The following NXPE4 variants were observed in gnomAD, a reference collection of about 807,000 sequenced individuals.
NXPE4 encodes the protein NXPE family member 4.
In NXPE4, 42 loss-of-function variants were observed where a neutral mutation model predicts 33.3. The observed-to-expected ratio is 1.26, with a 90% CI of 0.98 to 1.63. The LOEUF (loss-of-function observed/expected upper bound fraction) is 1.63, where lower values mean the gene tolerates loss of function less well. NXPE4 is among the 40% of genes most tolerant of loss of function. NXPE4 has a pLI of 0.00. For synonymous variants in NXPE4, 253 were observed against 234.9 expected, an observed-to-expected ratio of 1.08 and a Z score of -0.71; for missense variants, 709 against 647.6, an observed-to-expected ratio of 1.09 and a Z score of -1.03.
At chr11:114,660,247 A>G in the NXPE4 span, among the ~76,000 whole-genome samples, 1 of 152,060 alleles carries the variant, frequency 6.6e-6, no homozygotes, top group African/African-American at 2.4e-5. Flanking sequence ...AATACTAACA[A>G]TTCTACTGAT....
the NXPE4 span, among the ~76,000 whole-genome samples, chr11:114,627,733 TAA>T: frequency 6.6e-6 from 1 of 152,116 alleles, no homozygotes; most frequent in East Asian, 1.9e-4. Context: ...GCAAATTGGT[TAA>T]AGAGTCAAGA....
intron 2 of NXPE4, among the ~76,000 whole-genome samples, chr11:114,589,435 G>A (rs545943710): frequency 6.6e-6 from 1 of 152,012 alleles, no homozygotes; most frequent in Non-Finnish European, 1.5e-5. Context: ...AGGGGTGTGG[G>A]GTGTCTCATA....
the NXPE4 span, among the ~76,000 whole-genome samples, chr11:114,629,762 C>A: frequency 1.3e-5 from 2 of 151,028 alleles, no homozygotes; most frequent in African/African-American, 4.9e-5. Flanking sequence ...GATTGTATAT[C>A]TAGAAAACCC....
chr11:114,585,023 G>A (rs1949257735), intron 2 of NXPE4, among the ~76,000 whole-genome samples: 1 of 152,058 alleles, frequency 6.6e-6, no homozygotes, highest in Non-Finnish European at 1.5e-5. Flanking sequence ...TTGGAAAGGT[G>A]CCTTTATTGC....
At chr11:114,620,516 C>T in the NXPE4 span, among the ~76,000 whole-genome samples, 13 of 151,776 alleles carry the variant, frequency 8.6e-5, no homozygotes, top group African/African-American at 2.4e-4. Context: ...CTAGGGTAAC[C>T]ACTTTAAGGC....
At chr11:114,649,842 G>A in the NXPE4 span, among the ~76,000 whole-genome samples, 2 of 152,114 alleles carry the variant, frequency 1.3e-5, no homozygotes, top group African/African-American at 4.8e-5. Context: ...ATGTACTTGA[G>A]GGTTCTGACA....
At chr11:114,607,960 T>C in the NXPE4 span, among the ~76,000 whole-genome samples, 5 of 151,776 alleles carry the variant, frequency 3.3e-5, no homozygotes, top group Non-Finnish European at 7.4e-5. Flanking sequence ...ACCCAGTGGA[T>C]AATAAGTGTT....
At chr11:114,623,393 C>T in the NXPE4 span, among the ~76,000 whole-genome samples, 8 of 151,970 alleles carry the variant, frequency 5.3e-5, no homozygotes, top group Non-Finnish European at 7.4e-5. Flanking sequence ...ATAAGTATTG[C>T]GCAGTGGGTA....
chr11:114,578,739 A>G (rs1185807129), intron 5 of NXPE4, among the ~76,000 whole-genome samples: 1 of 152,192 alleles, frequency 6.6e-6, no homozygotes, highest in Admixed American at 6.6e-5. Flanking sequence ...ATGGTTTTGT[A>G]GGTGAGATGG....
the NXPE4 span, among the ~76,000 whole-genome samples, chr11:114,666,542 G>A: frequency 6.6e-6 from 1 of 151,940 alleles, no homozygotes; most frequent in African/African-American, 2.4e-5. Context: ...TTCAGAAATG[G>A]TAAAATGGCA....
chr11:114,631,067 CT>C, the NXPE4 span, among the ~76,000 whole-genome samples: 1 of 151,756 alleles, frequency 6.6e-6, no homozygotes, highest in East Asian at 1.9e-4. Context: ...CACTTTTACA[CT>C]GTTGGTGGGA....
At chr11:114,601,807 TTA>T in the NXPE4 span, among the ~76,000 whole-genome samples, 1 of 70,086 alleles carries the variant, frequency 1.4e-5, no homozygotes, top group Non-Finnish European at 2.3e-5. Flanking sequence ...TGATTATATA[TTA>T]TATAATTATA....
chr11:114,600,203 A>G (rs964422820), upstream of NXPE4, among the ~76,000 whole-genome samples: 2 of 152,210 alleles, frequency 1.3e-5, no homozygotes, highest in African/African-American at 2.4e-5. Flanking sequence ...TAGAGTGCAG[A>G]AAATCAATGA....
At chr11:114,661,196 A>C in the NXPE4 span, among the ~76,000 whole-genome samples, 1 of 152,210 alleles carries the variant, frequency 6.6e-6, no homozygotes, top group African/African-American at 2.4e-5. Context: ...CTATAGATTC[A>C]ATAAAATTCA....
In NXPE4 at chr11:114,582,172, A is replaced by G. The variant is rs1949161302; in HGVS notation, c.830+116T>C. On this transcript the variant is annotated intron_variant, in intron 3 of 5. Coordinates refer to ENST00000375478, the MANE Select transcript of NXPE4 (RefSeq NM_001077639.2). ...AATGAATTCACAGATCCTTTCCCCA[A>G]AGGCTCTTACTAAAGACACCCAAAA... 8.3e-6 allele frequency: 9 copies of G among 1,082,254 alleles called. No individual in the cohort carries two copies. In the Middle Eastern group the frequency reaches 9.5e-4, roughly 115 times the overall value. The allele number at this position is 1,082,254 out of a possible 1,614,324, so 67.0% of individuals were successfully genotyped here. A position where few individuals can be genotyped will look rare whatever the true frequency, so the allele number is the denominator to read the frequency against.
the NXPE4 span, among the ~76,000 whole-genome samples, chr11:114,648,462 A>C: frequency 2.1e-3 from 317 of 152,308 alleles, 1 homozygote; most frequent in Non-Finnish European, 3.5e-3. Flanking sequence ...AAATTGGATG[A>C]GGCTCACCTA....
At chr11:114,638,504 G>C in the NXPE4 span, among the ~76,000 whole-genome samples, 31 of 152,026 alleles carry the variant, frequency 2.0e-4, no homozygotes, top group Non-Finnish European at 8.8e-5. Context: ...TCCATTGCTG[G>C]TGAGGAACTG....
At chr11:114,638,539 C>A in the NXPE4 span, among the ~76,000 whole-genome samples, 3 of 152,044 alleles carry the variant, frequency 2.0e-5, no homozygotes, top group Non-Finnish European at 4.4e-5. Context: ...AGGAGAGGTG[C>A]TCTGCTTTTT....
At chr11:114,630,060 T>A in the NXPE4 span, among the ~76,000 whole-genome samples, 1 of 151,366 alleles carries the variant, frequency 6.6e-6, no homozygotes, top group Non-Finnish European at 1.5e-5. Flanking sequence ...TGCTCATGGG[T>A]AGGAAGAATC....
Sources: allele counts gnomAD v4.1 joint callset (sites outside exome capture counted in the v4.1 genomes callset), GRCh38; gene constraint gnomAD v4.1.1; transcripts MANE v1.5; gene names NCBI Gene and HGNC (gene_info 2026-07-23, HGNC 2026-07-21).